Variants in ERBB4 observed in about 807,000 individuals in gnomAD.
ERBB4 encodes erb-b2 receptor tyrosine kinase 4.
A neutral mutation model predicts 158.0 loss-of-function variants in ERBB4; 42 were observed. The ratio of observed to expected loss-of-function variants is 0.27; its 90% CI spans 0.21 to 0.34. The LOEUF is 0.34. Among genes scored for constraint, ERBB4 ranks in the 10% least tolerant of loss-of-function variants. The pLI is 1.00. For missense variants in ERBB4, 1,333 were observed against 1,624.1 expected (o/e 0.82, Z 3.08); for synonymous variants, 583 against 558.7 (o/e 1.04, Z -0.61).
At chr2:212,490,856 T>C (rs1455841887) in intron 1 of ERBB4, among the ~76,000 whole-genome samples, 3 of 151,756 alleles carry the variant, frequency 2.0e-5, no homozygotes, top group Non-Finnish European at 4.4e-5. Flanking sequence ...CTTTAAGGCC[T>C]CCACAAACTA....
At chr2:211,875,040 A>AC (rs1296963523) in intron 3 of ERBB4, among the ~76,000 whole-genome samples, 11 of 146,036 alleles carry the variant, frequency 7.5e-5, no homozygotes, top group Non-Finnish European at 1.5e-4. Context: ...AAAAAAAAAA[A>AC]AAAAAAAAAA....
rs201599570 is a variant in ERBB4 at position 211,745,942 on chromosome 2, C to T, written c.622+4697G>A. Among the ~76,000 whole-genome samples, 36 of 152,242 alleles carry T rather than the reference C, an allele frequency of 2.4e-4. No homozygotes were observed. The East Asian group carries it at 6.6e-3, about 28-fold the overall frequency. On this transcript the variant is annotated intron_variant, in intron 5 of 27. Coordinates refer to ENST00000342788, the MANE Select transcript of ERBB4 (RefSeq NM_005235.3). ...AACAGTTGTCTCTAGATTAAGAACA[C>T]TTAGGTTAAAATCCAGGTATTAGCT... is the stretch of plus-strand genomic sequence containing the variant.
intron 1 of ERBB4, among the ~76,000 whole-genome samples, chr2:212,346,258 T>C (rs932516688): frequency 6.6e-6 from 1 of 152,042 alleles, no homozygotes; most frequent in African/African-American, 2.4e-5. Context: ...ATGTGCTGTA[T>C]CTATGTTTTC....
Position 211,514,444 on chromosome 2 carries a change from A to T in ERBB4, c.2487+47459T>A, listed in dbSNP as rs182065395. On this transcript the variant is annotated intron_variant, in intron 20 of 27. Transcript: ENST00000342788. ...TAGCATCTTCCAACTTTTAATATTG[A>T]GCACATAACAAGAAAAATGTTTTGA... 9.9e-5 allele frequency among the ~76,000 whole-genome samples: 15 copies of T among 152,242 alleles called. No individual in the cohort carries two copies. The East Asian group carries it at 2.9e-3, about 29-fold the overall frequency.
intron 3 of ERBB4, among the ~76,000 whole-genome samples, chr2:211,883,236 G>T (rs1041086730): frequency 2.3e-4 from 35 of 152,174 alleles, no homozygotes; most frequent in African/African-American, 7.9e-4. Flanking sequence ...TCCTAGGTGG[G>T]AACTGAACAA....
intron 3 of ERBB4, among the ~76,000 whole-genome samples, chr2:211,827,521 T>TTAACGA (rs2077128337): frequency 6.6e-6 from 1 of 152,062 alleles, no homozygotes; most frequent in Non-Finnish European, 1.5e-5. Context: ...AGTATTCATG[T>TTAACGA]TGGGATTTTA....
intron 9 of ERBB4, among the ~76,000 whole-genome samples, chr2:211,708,366 G>T (rs2073532106): frequency 6.6e-6 from 1 of 152,022 alleles, no homozygotes; most frequent in Non-Finnish European, 1.5e-5. Flanking sequence ...CCAGGTTTAA[G>T]CGCTATGATT....
chr2:211,705,561 T>C lies in ERBB4; in HGVS notation c.1125-170A>G, dbSNP rs555728071. On this transcript the variant is annotated intron_variant, in intron 9 of 27. Transcript: ENST00000342788. ...ATGTGGAGGAGGAATAATAGGTGTT[T>C]TGTGGAAATTTTTGATGTCACAAAA... is the stretch of plus-strand genomic sequence containing the variant. Among the ~76,000 whole-genome samples the C allele has an allele frequency of 7.2e-5, 11 of 152,324 alleles. No individual in the cohort carries two copies. In the East Asian group the frequency reaches 7.7e-4, roughly 11 times the overall value.
At position 211,378,722 on chromosome 2, in the gene ERBB4, G is replaced by A. The variant is rs2062523787; in HGVS notation, c.*4893C>T. 4.3e-6 allele frequency: 1 copy of A among 232,582 alleles called. No individual in the cohort carries two copies. The highest frequency in any genetic ancestry group is 8.5e-6 in the Non-Finnish European group (1 of 117,452). The allele number at this position is 232,582 out of a possible 1,614,324, so 14.4% of individuals were successfully genotyped here. On this transcript the variant is annotated 3_prime_UTR_variant, in exon 28 of 28. Coordinates refer to ENST00000342788, the MANE Select transcript of ERBB4 (RefSeq NM_005235.3). ...GCCTGATCTCATCTGTATAATATTT[G>A]TTCTTAAGCAAATAGCAACCAGGCG... is the stretch of plus-strand genomic sequence containing the variant.
At chr2:211,768,467 A>G (rs1408616817) in intron 4 of ERBB4, among the ~76,000 whole-genome samples, 1 of 152,224 alleles carries the variant, frequency 6.6e-6, no homozygotes, top group Non-Finnish European at 1.5e-5. Flanking sequence ...CTGCCCTAGC[A>G]GAGGTTCTCC....
At chr2:212,204,709 C>CA (rs138872757) in intron 1 of ERBB4, among the ~76,000 whole-genome samples, 30,243 of 127,966 alleles carry the variant, frequency 0.24, 3,357 homozygotes, top group Non-Finnish European at 0.27. Context: ...ACAAAAAAAA[C>CA]AAAAAAAAAA....
In ERBB4 at chr2:211,993,080, C is replaced by T. The variant is rs563338059; in HGVS notation, c.235-45464G>A. On this transcript the variant is annotated intron_variant, in intron 2 of 27. Coordinates refer to ENST00000342788, the MANE Select transcript of ERBB4 (RefSeq NM_005235.3). Reference sequence around the variant, plus strand: ...GTTTTGAGAGAAACCCATATCATCTCTGTTATGCACTGAGTTGTTTTCCCT... The same window carrying T: ...GTTTTGAGAGAAACCCATATCATCTTTGTTATGCACTGAGTTGTTTTCCCT... Among the ~76,000 whole-genome samples, 4 of 152,304 alleles carry T rather than the reference C, an allele frequency of 2.6e-5. No individual in the cohort carries two copies. The East Asian group carries it at 7.7e-4, about 29-fold the overall frequency.
chr2:211,734,480 T>C (rs1051509330), intron 5 of ERBB4, among the ~76,000 whole-genome samples: 1 of 152,078 alleles, frequency 6.6e-6, no homozygotes, highest in Non-Finnish European at 1.5e-5. Flanking sequence ...CAGAAGAATG[T>C]GCATCTGTGG....
intron 3 of ERBB4, among the ~76,000 whole-genome samples, chr2:211,818,222 G>T (rs763956289): frequency 6.6e-6 from 1 of 152,052 alleles, no homozygotes; most frequent in Non-Finnish European, 1.5e-5. Flanking sequence ...CTATGTTTAA[G>T]TATTAGGAAA....
chr2:212,135,745 T>C (rs1313638929), intron 1 of ERBB4, among the ~76,000 whole-genome samples: 2 of 152,228 alleles, frequency 1.3e-5, no homozygotes, highest in Admixed American at 6.5e-5. Flanking sequence ...AAGTCCTTCT[T>C]ATTTACTTTG....
chr2:211,851,767 C>T (rs960924632), intron 3 of ERBB4, among the ~76,000 whole-genome samples: 8 of 151,788 alleles, frequency 5.3e-5, no homozygotes, highest in African/African-American at 1.7e-4. Context: ...GAGATATATG[C>T]ATTGAATTCT....
intron 2 of ERBB4, among the ~76,000 whole-genome samples, chr2:212,059,379 A>G (rs2077686381): frequency 6.6e-6 from 1 of 152,148 alleles, no homozygotes; most frequent in Non-Finnish European, 1.5e-5. Context: ...AGGTAATTTA[A>G]TAGATCCAAT....
chr2:211,593,929 T>C (rs987672255), intron 19 of ERBB4, among the ~76,000 whole-genome samples: 1 of 152,162 alleles, frequency 6.6e-6, no homozygotes, highest in Non-Finnish European at 1.5e-5. Flanking sequence ...TGATGGGTCG[T>C]TCCAGCACCA....
In ERBB4 at chr2:212,061,574, T is replaced by C. The variant is rs76330538; in HGVS notation, c.234+63178A>G. Among the ~76,000 whole-genome samples, 984 of 150,712 alleles carry C rather than the reference T, an allele frequency of 6.5e-3. 14 individuals are homozygous for C. Among genetic ancestry groups the C allele is most frequent in the Non-Finnish European group, 8.9e-3 (601 of 67,778 alleles). Reference sequence around the variant, plus strand: ...ACTTCAATACCCATTTAAATATCCATGATAACAGTCATTAAAATTTGTCAT... The same window carrying C: ...ACTTCAATACCCATTTAAATATCCACGATAACAGTCATTAAAATTTGTCAT... On this transcript the variant is annotated intron_variant, in intron 2 of 27. Transcript: ENST00000342788.
Sources: gnomAD v4.1 joint callset for allele counts (sites outside exome capture counted in the v4.1 genomes callset) on GRCh38, gnomAD v4.1.1 for gene constraint, MANE v1.5 for transcripts, NCBI Gene and HGNC (gene_info 2026-07-23, HGNC 2026-07-21) for gene names.